PTPRM: variants seen among roughly 807,000 people sequenced by gnomAD.
The protein encoded by PTPRM is protein tyrosine phosphatase receptor type M.
PTPRM carries 47 observed loss-of-function variants against 186.7 expected under a neutral mutation model. That is an observed-to-expected ratio of 0.25 (90% CI 0.20 to 0.32). The LOEUF is 0.32. Among genes scored for constraint, PTPRM ranks in the 10% least tolerant of loss-of-function variants. The pLI, the probability that PTPRM is intolerant of heterozygous loss-of-function variation, is 1.00. For missense variants in PTPRM, 1,494 were observed against 1,865.0 expected (o/e 0.80, Z 3.66); for synonymous variants, 668 against 674.9 (o/e 0.99, Z 0.16).
At position 8,384,632 on chromosome 18, in the gene PTPRM, T is replaced by C. The variant is rs747459321; in HGVS notation, c.3990T>C (p.Ala1330=). ...CCATCCAGGTGGAATTTGTCTCTGCTGACCTGGAAGAGGACATCATCAGCA... is the reference window on the plus strand; with the variant it reads ...CCATCCAGGTGGAATTTGTCTCTGCCGACCTGGAAGAGGACATCATCAGCA... ...HGPIQVEFVS[A]DLEEDIISRI... is the part of the protein sequence containing the mutation. Residue 1330 remains alanine (A), a synonymous_variant, in exon 30 of 33, where the codon GCT becomes GCC. Transcript: ENST00000580170. 1.9e-6 allele frequency: 3 copies of C among 1,614,200 alleles called. No individual in the cohort carries two copies. Among genetic ancestry groups the C allele is most frequent in the South Asian group, 2.2e-5 (2 of 91,074 alleles).
At chr18:7,626,958 C>A (rs2038076618) in intron 1 of PTPRM, among the ~76,000 whole-genome samples, 1 of 152,058 alleles carries the variant, frequency 6.6e-6, no homozygotes, top group South Asian at 2.1e-4. Context: ...TTATCCAATC[C>A]ATGCCTGCAC....
intron 2 of PTPRM, among the ~76,000 whole-genome samples, chr18:7,839,211 A>G (rs2046206599): frequency 6.6e-6 from 1 of 152,176 alleles, no homozygotes; most frequent in African/African-American, 2.4e-5. Flanking sequence ...AGGGTGCAAG[A>G]CAAAGCCCTC....
intron 1 of PTPRM, among the ~76,000 whole-genome samples, chr18:7,639,921 A>G (rs775441932): frequency 6.6e-6 from 1 of 152,220 alleles, no homozygotes; most frequent in Non-Finnish European, 1.5e-5. Context: ...GTAGATTACT[A>G]AAGAAGGAAA....
rs535274909 is a variant in PTPRM at position 8,335,979 on chromosome 18, G to A, written c.2957-7444G>A. Among the ~76,000 whole-genome samples the A allele has an allele frequency of 4.6e-5, 7 of 152,016 alleles. No homozygotes were observed. The South Asian group carries it at 1.0e-3, about 23-fold the overall frequency. ...AGAGGTTACAGTGACCCATGATCGC[G>A]CCACCGCACTCCAGCCTGGGTGACA... On this transcript the variant is annotated intron_variant, in intron 22 of 32. Transcript: ENST00000580170.
intron 17 of PTPRM, chr18:8,251,714 G>C (rs1388294906): frequency 6.6e-6 from 1 of 152,214 alleles, no homozygotes; most frequent in Non-Finnish European, 1.5e-5. Flanking sequence ...TTGCGATGCA[G>C]ATAGAAGTGA....
intron 7 of PTPRM, among the ~76,000 whole-genome samples, chr18:7,985,106 CAT>C (rs911236961): frequency 1.8e-4 from 23 of 127,826 alleles, no homozygotes; most frequent in Non-Finnish European, 3.6e-4. Context: ...ATTATATATA[CAT>C]ATAATTGTAT....
chr18:8,281,689 A>G (rs1226447511), intron 19 of PTPRM, among the ~76,000 whole-genome samples: 1 of 152,156 alleles, frequency 6.6e-6, no homozygotes, highest in East Asian at 1.9e-4. Context: ...TAGAGGTAGA[A>G]GTGGATTGAG....
At chr18:7,868,818 G>T (rs185470838) in intron 2 of PTPRM, among the ~76,000 whole-genome samples, 2 of 152,214 alleles carry the variant, frequency 1.3e-5, no homozygotes, top group Admixed American at 6.5e-5. Context: ...TCCTCCAGGT[G>T]CTCTGTCCCA....
chr18:8,290,406 C>G (rs1259114988), intron 19 of PTPRM, among the ~76,000 whole-genome samples: 1 of 151,572 alleles, frequency 6.6e-6, no homozygotes, highest in East Asian at 1.9e-4. Context: ...TTTTTTTCTC[C>G]TTTTTTAATA....
chr18:7,756,434 A>G (rs1327251325), intron 1 of PTPRM, among the ~76,000 whole-genome samples: 1 of 152,180 alleles, frequency 6.6e-6, no homozygotes, highest in Non-Finnish European at 1.5e-5. Flanking sequence ...TATCAATTTG[A>G]GGAAATAAAT....
chr18:8,244,028 T>C (rs1352069013), intron 14 of PTPRM, 30 bp from the exon 15 acceptor site: 1 of 1,595,348 alleles, frequency 6.3e-7, no homozygotes, highest in Non-Finnish European at 8.5e-7. Context: ...TTCAAATGCA[T>C]GCCTACATAA....
At chr18:7,866,739 CCTT>C (rs2047722547) in intron 2 of PTPRM, among the ~76,000 whole-genome samples, 1 of 152,094 alleles carries the variant, frequency 6.6e-6, no homozygotes, top group Non-Finnish European at 1.5e-5. Context: ...TCCTGAATAT[CCTT>C]GTTAATTTTC....
At chr18:7,821,276 C>T (rs1036988041) in intron 2 of PTPRM, among the ~76,000 whole-genome samples, 4 of 152,104 alleles carry the variant, frequency 2.6e-5, no homozygotes, top group Non-Finnish European at 2.9e-5. Flanking sequence ...ACAGTCTCAT[C>T]CAAGGTGGGC....
At chr18:8,186,166 A>C (rs183049044) in intron 14 of PTPRM, among the ~76,000 whole-genome samples, 1 of 152,134 alleles carries the variant, frequency 6.6e-6, no homozygotes, top group East Asian at 1.9e-4. Flanking sequence ...TCTCTAATAA[A>C]AATACAAAAA....
chr18:8,299,159 G>C (rs2095128538), intron 20 of PTPRM, among the ~76,000 whole-genome samples: 1 of 152,056 alleles, frequency 6.6e-6, no homozygotes, highest in African/African-American at 2.4e-5. Context: ...GGCCCGTGTG[G>C]GTATTTGGTG....
chr18:8,100,850 C>T (rs144852538), intron 11 of PTPRM, among the ~76,000 whole-genome samples: 450 of 152,274 alleles, frequency 3.0e-3, no homozygotes, highest in African/African-American at 9.9e-3. Context: ...CATTATACTC[C>T]GCTTTTAGTA....
chr18:7,785,335 A>G (rs2043048197), intron 2 of PTPRM, among the ~76,000 whole-genome samples: 1 of 152,232 alleles, frequency 6.6e-6, no homozygotes, highest in African/African-American at 2.4e-5. Flanking sequence ...ACCAAAAAGC[A>G]TATGAATATG....
chr18:7,726,837 C>T (rs2040559781), intron 1 of PTPRM, among the ~76,000 whole-genome samples: 1 of 152,114 alleles, frequency 6.6e-6, no homozygotes, highest in Non-Finnish European at 1.5e-5. Flanking sequence ...TTTAATGCAA[C>T]TCTGTTATTA....
chr18:8,297,153 G>A (rs540274466), intron 20 of PTPRM, among the ~76,000 whole-genome samples: 6 of 152,226 alleles, frequency 3.9e-5, no homozygotes, highest in African/African-American at 7.2e-5. Context: ...ACTGCTCTCC[G>A]TCATCCATGA....
Sources: allele counts gnomAD v4.1 joint callset (sites outside exome capture counted in the v4.1 genomes callset), GRCh38; gene constraint gnomAD v4.1.1; transcripts MANE v1.5; gene names NCBI Gene and HGNC (gene_info 2026-07-23, HGNC 2026-07-21).